Variants in KAZN observed in about 807,000 individuals in gnomAD.
KAZN encodes kazrin.
A neutral mutation model predicts 87.4 loss-of-function variants in KAZN; 40 were observed. The observed-to-expected ratio is 0.46, with a 90% CI of 0.36 to 0.60. The LOEUF (loss-of-function observed/expected upper bound fraction) is 0.60, where lower values mean the gene tolerates loss of function less well. Ranked by LOEUF, KAZN falls within the 20% of genes least tolerant of loss-of-function variation. The pLI is 0.00. For synonymous variants in KAZN, 466 were observed against 458.3 expected (o/e 1.02, Z -0.22); for missense variants, 898 against 1,073.9 (o/e 0.84, Z 2.29).
chr1:14,307,697 T>C (rs577219402), intron 2 of KAZN, among the ~76,000 whole-genome samples: 2 of 152,106 alleles, frequency 1.3e-5, no homozygotes. Context: ...CACCTTTGAG[T>C]TGGAAAACAA....
At chr1:14,926,650 G>T (rs916827351) in intron 1 of KAZN, among the ~76,000 whole-genome samples, 5 of 152,220 alleles carry the variant, frequency 3.3e-5, no homozygotes, top group African/African-American at 1.2e-4. Flanking sequence ...ACAGCCTGCC[G>T]TGGAAATGGT....
At position 14,530,900 on chromosome 1, in the gene KAZN, G is replaced by A. The variant is rs186395536; in HGVS notation, c.250-68083G>A. 2.1e-3 allele frequency among the ~76,000 whole-genome samples: 322 copies of A among 152,196 alleles called. 1 individual carries two copies. The highest frequency in any genetic ancestry group is 7.0e-3 in the African/African-American group (291 of 41,518). ...AGGAATTTGAGACTTGGGCAACATG[G>A]CGAAACCTTGTCTCTACAAAAAATT... On this transcript the variant is annotated intron_variant, in intron 2 of 16. Coordinates refer to the KAZN transcript ENST00000636203.
At chr1:14,125,964 G>A (rs1432914685) in intron 1 of KAZN, among the ~76,000 whole-genome samples, 1 of 133,850 alleles carries the variant, frequency 7.5e-6, no homozygotes, top group Admixed American at 7.6e-5. Context: ...GGTGCGGGGT[G>A]GGGTGGGGGG....
At chr1:14,615,625 CAA>C (rs1198279999) in intron 1 of KAZN, among the ~76,000 whole-genome samples, 20 of 117,756 alleles carry the variant, frequency 1.7e-4, no homozygotes, top group African/African-American at 1.9e-4. Context: ...GACTCCATCT[CAA>C]AAAAAAAAAA....
intron 2 of KAZN, among the ~76,000 whole-genome samples, chr1:14,476,141 G>T (rs374252912): frequency 5.9e-5 from 9 of 152,150 alleles, no homozygotes; most frequent in Non-Finnish European, 1.2e-4. Context: ...CATTCGGACT[G>T]GTTTGATTTC....
intron 2 of KAZN, among the ~76,000 whole-genome samples, chr1:14,312,298 G>A (rs1331076506): frequency 6.6e-6 from 1 of 152,092 alleles, no homozygotes; most frequent in Non-Finnish European, 1.5e-5. Context: ...AGATTACTTT[G>A]GGAATATCTT....
chr1:14,905,120 G>A (rs531773460), intron 1 of KAZN, among the ~76,000 whole-genome samples: 10 of 152,180 alleles, frequency 6.6e-5, no homozygotes, highest in Admixed American at 3.3e-4. Flanking sequence ...GTGCAGTGGC[G>A]TGATCTTGGC....
intron 2 of KAZN, among the ~76,000 whole-genome samples, chr1:14,529,792 G>A (rs1281378469): frequency 2.0e-5 from 3 of 152,224 alleles, no homozygotes; most frequent in Non-Finnish European, 4.4e-5. Flanking sequence ...GGCATTGCAA[G>A]CCCTGTTGGA....
At chr1:14,462,762 C>T (rs1335941811) in intron 2 of KAZN, among the ~76,000 whole-genome samples, 1 of 152,102 alleles carries the variant, frequency 6.6e-6, no homozygotes, top group Non-Finnish European at 1.5e-5. Flanking sequence ...TTTATAAAAC[C>T]ATCAGATCTT....
chr1:15,086,814 A>T (rs565877868), intron 8 of KAZN, among the ~76,000 whole-genome samples: 12 of 152,246 alleles, frequency 7.9e-5, no homozygotes, highest in Non-Finnish European at 1.6e-4. Context: ...CCTAGGTTTT[A>T]TTAAGGTAAA....
intron 1 of KAZN, among the ~76,000 whole-genome samples, chr1:14,670,431 C>T (rs993419010): frequency 7.9e-5 from 12 of 152,166 alleles, no homozygotes; most frequent in Non-Finnish European, 1.8e-4. Context: ...GATTTACGTT[C>T]CTAACACGTA....
At chr1:14,918,672 T>A (rs1658084871) in intron 1 of KAZN, among the ~76,000 whole-genome samples, 2 of 51,492 alleles carry the variant, frequency 3.9e-5, no homozygotes, top group South Asian at 1.1e-3. Context: ...TAAGACTCCA[T>A]CTCAAAAAAA....
At chr1:14,593,000 TCAA>T (rs1308234422) in intron 2 of KAZN, among the ~76,000 whole-genome samples, 1 of 152,140 alleles carries the variant, frequency 6.6e-6, no homozygotes, top group Non-Finnish European at 1.5e-5. Flanking sequence ...GCTTATCCAC[TCAA>T]CAAGTATGTG....
intron 2 of KAZN, among the ~76,000 whole-genome samples, chr1:15,000,063 G>T (rs1313622718): frequency 6.6e-6 from 1 of 152,212 alleles, no homozygotes; most frequent in Non-Finnish European, 1.5e-5. Flanking sequence ...ATGGGAAGAT[G>T]ATCTGGATTG....
intron 2 of KAZN, among the ~76,000 whole-genome samples, chr1:14,326,190 G>GC (rs1656399780): frequency 6.6e-6 from 1 of 151,858 alleles, no homozygotes; most frequent in Admixed American, 6.6e-5. Flanking sequence ...TCTCATGTCT[G>GC]CCCCCTACCC....
chr1:14,486,504 C>G (rs1382705693), intron 2 of KAZN, among the ~76,000 whole-genome samples: 1 of 152,170 alleles, frequency 6.6e-6, no homozygotes, highest in African/African-American at 2.4e-5. Context: ...GTTCATTACT[C>G]TACCGTTGTA....
At chr1:14,713,583 A>G (rs542257921) in intron 1 of KAZN, among the ~76,000 whole-genome samples, 60 of 152,096 alleles carry the variant, frequency 3.9e-4, no homozygotes, top group African/African-American at 1.4e-3. Flanking sequence ...GGTTGCTGCT[A>G]AACACTCTTC....
chr1:14,127,850 C>T (rs773596508), intron 1 of KAZN, among the ~76,000 whole-genome samples: 6 of 151,980 alleles, frequency 3.9e-5, no homozygotes, highest in African/African-American at 7.3e-5. Context: ...GCACTTGGCT[C>T]GTGGGGTTGT....
At chr1:14,449,085 T>C (rs769299632) in intron 2 of KAZN, among the ~76,000 whole-genome samples, 3 of 152,212 alleles carry the variant, frequency 2.0e-5, no homozygotes, top group Non-Finnish European at 4.4e-5. Flanking sequence ...GGGTTGTAAG[T>C]AACAGAAATC....
Sources: gnomAD v4.1 joint callset for allele counts (sites outside exome capture counted in the v4.1 genomes callset) on GRCh38, gnomAD v4.1.1 for gene constraint, MANE v1.5 for transcripts, NCBI Gene and HGNC (gene_info 2026-07-23, HGNC 2026-07-21) for gene names.